GABRB3: variants seen among roughly 807,000 people sequenced by gnomAD.
GABRB3 encodes gamma-aminobutyric acid receptor subunit beta-3.
Under a neutral mutation model 52.1 loss-of-function variants are expected in GABRB3, and 14 were observed. The ratio of observed to expected loss-of-function variants is 0.27; its 90% CI spans 0.18 to 0.42. The LOEUF is 0.42. GABRB3 is among the 10% of genes least tolerant of loss of function. GABRB3 has a pLI of 1.00. For missense variants in GABRB3, 307 were observed against 609.1 expected (o/e 0.50, Z 5.22); for synonymous variants, 260 against 232.3 (o/e 1.12, Z -1.08).
chr15:26,724,621 C>G (rs915932432), intron 3 of GABRB3, among the ~76,000 whole-genome samples: 9 of 152,166 alleles, frequency 5.9e-5, no homozygotes, highest in Non-Finnish European at 1.3e-4. Context: ...AATGCATCCT[C>G]TGCTTCACCT....
At chr15:26,622,661 C>A (rs1001863066) in intron 3 of GABRB3, among the ~76,000 whole-genome samples, 14 of 152,320 alleles carry the variant, frequency 9.2e-5, no homozygotes, top group African/African-American at 3.1e-4. Context: ...GGCCTCCTGA[C>A]AACCCCTCCA....
chr15:26,708,956 C>T (rs7497394), intron 3 of GABRB3, among the ~76,000 whole-genome samples: 46,748 of 152,052 alleles, frequency 0.31, 7,618 homozygotes, highest in Middle Eastern at 0.41. Flanking sequence ...ACTATTAGTA[C>T]TGCATATCTT....
chr15:26,653,161 A>G (rs184007096), intron 3 of GABRB3, among the ~76,000 whole-genome samples: 4 of 152,322 alleles, frequency 2.6e-5, no homozygotes, highest in East Asian at 3.9e-4. Flanking sequence ...ACCTTTCCCA[A>G]AACAAACCCC....
In GABRB3 at chr15:26,772,383, T is replaced by C. The variant is rs1193078874; in HGVS notation, c.240+19A>G. ...CGGGCCGGGGGCTCAGGGACCGCCC[T>C]GGGAGGGCGGGCACTCACCATGTTG... On this transcript the variant is annotated intron_variant, in intron 3 of 8. Coordinates refer to ENST00000311550, the MANE Select transcript of GABRB3 (RefSeq NM_000814.6). 10 of 1,602,316 alleles carry C rather than the reference T, an allele frequency of 6.2e-6. No individual in the cohort carries two copies. Among genetic ancestry groups the C allele is most frequent in the South Asian group, 3.4e-5 (3 of 89,442 alleles).
At chr15:26,639,699 A>G (rs1451014666) in intron 3 of GABRB3, among the ~76,000 whole-genome samples, 7 of 152,244 alleles carry the variant, frequency 4.6e-5, no homozygotes, top group African/African-American at 7.2e-5. Flanking sequence ...GTGTATTCAC[A>G]TAGTGTATTC....
chr15:26,678,075 G>A (rs1229311441), intron 3 of GABRB3, among the ~76,000 whole-genome samples: 1 of 152,218 alleles, frequency 6.6e-6, no homozygotes, highest in African/African-American at 2.4e-5. Flanking sequence ...TCGCACCAAA[G>A]AAAGGAAAGC....
intron 3 of GABRB3, among the ~76,000 whole-genome samples, chr15:26,741,111 C>G (rs938392064): frequency 1.3e-5 from 2 of 150,090 alleles, no homozygotes; most frequent in Non-Finnish European, 1.5e-5. Flanking sequence ...AAGCACATAG[C>G]AAAAAAATTC....
chr15:26,691,123 G>A (rs1489531981), intron 3 of GABRB3, among the ~76,000 whole-genome samples: 1 of 151,658 alleles, frequency 6.6e-6, no homozygotes, highest in Non-Finnish European at 1.5e-5. Context: ...TACCTTCTCA[G>A]CTGGTACTGA....
intron 4 of GABRB3, among the ~76,000 whole-genome samples, chr15:26,610,034 C>G (rs12901009): frequency 0.32 from 48,971 of 152,076 alleles, 9,410 homozygotes; most frequent in Middle Eastern, 0.47. Context: ...CTGAAACATA[C>G]TGGCTCACCA....
chr15:26,693,255 A>G (rs931396337), intron 3 of GABRB3, among the ~76,000 whole-genome samples: 18 of 152,250 alleles, frequency 1.2e-4, no homozygotes, highest in Admixed American at 9.8e-4. Flanking sequence ...TCCAAAGCAC[A>G]GAAAGATTAT....
intron 3 of GABRB3, among the ~76,000 whole-genome samples, chr15:26,699,522 GTCAGA>G (rs1172603101): frequency 6.6e-6 from 1 of 150,630 alleles, no homozygotes; most frequent in Non-Finnish European, 1.5e-5. Flanking sequence ...TTTTTTAAAT[GTCAGA>G]ATTAGCAAAG....
chr15:26,609,768 G>A (rs1208703007), intron 4 of GABRB3, among the ~76,000 whole-genome samples: 2 of 152,170 alleles, frequency 1.3e-5, no homozygotes, highest in African/African-American at 4.8e-5. Context: ...GTTGCTGAGA[G>A]AATAAATTTG....
In GABRB3 at chr15:26,546,043, G is replaced by C. The variant is rs1037708991; in HGVS notation, c.*1750C>G. On this transcript the variant is annotated 3_prime_UTR_variant, in exon 9 of 9. Transcript: ENST00000311550. ...CCACACCACACGCATCCTCGGGGAG[G>C]GTGGTGCCTCTACCTACATCGAGAC... 2.6e-5 allele frequency: 4 copies of C among 152,606 alleles called. No individual in the cohort carries two copies. Among genetic ancestry groups the C allele is most frequent in the Non-Finnish European group, 4.4e-5 (3 of 68,064 alleles). The allele number at this position is 152,606 out of a possible 1,614,324, so 9.5% of individuals were successfully genotyped here. A position where few individuals can be genotyped will look rare whatever the true frequency, so the allele number is the denominator to read the frequency against.
intron 3 of GABRB3, among the ~76,000 whole-genome samples, chr15:26,709,511 C>CTTTTTTTTTT (rs1340109061): frequency 1.8e-5 from 2 of 112,494 alleles, no homozygotes; most frequent in South Asian, 3.4e-4. Flanking sequence ...TCTTTTTTTT[C>CTTTTTTTTTT]TTTCTTTTTT....
In GABRB3 at chr15:26,625,455, C is replaced by T. The variant is rs12438141; in HGVS notation, c.241-3921G>A. On this transcript the variant is annotated intron_variant, in intron 3 of 8. Transcript: ENST00000311550. ...ACCTTTGCAATGATGTGGCATGAACCAAAGAGAAGAGCACAGTCACAAAGA... is the reference window on the plus strand; with the variant it reads ...ACCTTTGCAATGATGTGGCATGAACTAAAGAGAAGAGCACAGTCACAAAGA... The T allele has an allele frequency of 0.15, 150,761 of 983,684 alleles. 11,805 individuals are homozygous for T. Among genetic ancestry groups the T allele is most frequent in the African/African-American group, 0.22 (12,729 of 57,168 alleles). 60.9% of individuals were successfully genotyped at this position (983,684 alleles called of 1,614,324 possible).
chr15:26,723,020 A>T (rs1889683764), intron 3 of GABRB3, among the ~76,000 whole-genome samples: 1 of 152,224 alleles, frequency 6.6e-6, no homozygotes, highest in Admixed American at 6.5e-5. Flanking sequence ...AGACATTCAG[A>T]GTAGCTTCCA....
chr15:26,678,718 A>G (rs1440337888), intron 3 of GABRB3, among the ~76,000 whole-genome samples: 2 of 152,128 alleles, frequency 1.3e-5, no homozygotes, highest in Non-Finnish European at 2.9e-5. Flanking sequence ...CCCACCCAGG[A>G]AGGTGAGTTC....
At chr15:26,611,349 A>G (rs915652582) in intron 4 of GABRB3, among the ~76,000 whole-genome samples, 3 of 152,224 alleles carry the variant, frequency 2.0e-5, no homozygotes, top group Admixed American at 6.5e-5. Flanking sequence ...TCTATAAATT[A>G]TAGAATGGTT....
chr15:26,700,952 G>A (rs2140680656), intron 3 of GABRB3, among the ~76,000 whole-genome samples: 1 of 152,260 alleles, frequency 6.6e-6, no homozygotes, highest in Admixed American at 6.5e-5. Flanking sequence ...CTACTTGGGA[G>A]GCTGAGGCAG....
Sources: allele counts gnomAD v4.1 joint callset (sites outside exome capture counted in the v4.1 genomes callset), GRCh38; gene constraint gnomAD v4.1.1; transcripts MANE v1.5; gene names NCBI Gene and HGNC (gene_info 2026-07-23, HGNC 2026-07-21).